Variants in MOBP observed in about 807,000 individuals in gnomAD.
MOBP encodes myelin associated oligodendrocyte basic protein.
MOBP carries 5 observed loss-of-function variants against 15.0 expected under a neutral mutation model. The ratio of observed to expected loss-of-function variants is 0.33; its 90% CI spans 0.17 to 0.70. The LOEUF (loss-of-function observed/expected upper bound fraction) is 0.70, where lower values mean the gene tolerates loss of function less well. Among genes scored for constraint, MOBP ranks in the 30% least tolerant of loss-of-function variants. The pLI is 0.67. For missense variants in MOBP, 188 were observed against 257.8 expected, an observed-to-expected ratio of 0.73 and a Z score of 1.85; for synonymous variants, 88 against 99.0, an observed-to-expected ratio of 0.89 and a Z score of 0.66.
At chr3:39,496,794 G>T (rs945508304) in intron 2 of MOBP, among the ~76,000 whole-genome samples, 1 of 152,124 alleles carries the variant, frequency 6.6e-6, no homozygotes, top group South Asian at 2.1e-4. Context: ...CTCTCAAGTA[G>T]TTGGGATTAC....
chr3:39,494,201 T>C (rs1323431063), intron 2 of MOBP, among the ~76,000 whole-genome samples: 1 of 152,244 alleles, frequency 6.6e-6, no homozygotes, highest in Non-Finnish European at 1.5e-5. Flanking sequence ...GGGATTTCAC[T>C]TAAATTCTTC....
At chr3:39,479,119 C>T (rs906465520) in intron 1 of MOBP, among the ~76,000 whole-genome samples, 7 of 152,216 alleles carry the variant, frequency 4.6e-5, no homozygotes, top group African/African-American at 7.2e-5. Context: ...TGAGCCACCG[C>T]GCACGGCCCT....
rs575029241 is a variant in MOBP, at chr3:39,478,778, T to C, written c.-88-1262T>C. On this transcript the variant is annotated intron_variant, in intron 1 of 3. Coordinates refer to ENST00000684792, the MANE Select transcript of MOBP (RefSeq NM_001393704.1). ...CAGCTTTATTGTTTCAGCAGGAGTT[T>C]AAATTCAATACTTGCTTCTATATCA... Among the ~76,000 whole-genome samples the C allele has an allele frequency of 1.2e-4, 18 of 152,300 alleles. No homozygotes were observed. In the South Asian group the frequency reaches 3.7e-3, roughly 32 times the overall value.
intron 2 of MOBP, among the ~76,000 whole-genome samples, chr3:39,490,187 T>C (rs539537304): frequency 6.6e-5 from 10 of 152,204 alleles, no homozygotes; most frequent in Non-Finnish European, 1.3e-4. Context: ...CTGGGGTATA[T>C]GCAGAAATTA....
At chr3:39,495,878 G>A (rs2042873253) in intron 2 of MOBP, among the ~76,000 whole-genome samples, 1 of 150,416 alleles carries the variant, frequency 6.6e-6, no homozygotes, top group African/African-American at 2.4e-5. Context: ...AAAAAATGAA[G>A]TAGATAGCTT....
At chr3:39,508,731 G>T (rs2125664101) in intron 4 of MOBP, among the ~76,000 whole-genome samples, 1 of 152,020 alleles carries the variant, frequency 6.6e-6, no homozygotes, top group Admixed American at 6.6e-5. Flanking sequence ...TGTATTTTTA[G>T]TAGAGAGGGC....
downstream of MOBP, among the ~76,000 whole-genome samples, chr3:39,505,535 T>C (rs1383680501): frequency 2.6e-5 from 4 of 152,212 alleles, no homozygotes; most frequent in Non-Finnish European, 5.9e-5. Context: ...TACTCTTTCC[T>C]ATCTGGGAGC....
At chr3:39,518,459 A>G (rs139528510), downstream of MOBP, among the ~76,000 whole-genome samples, 1,091 of 152,276 alleles carry the variant, frequency 7.2e-3, 13 homozygotes, top group African/African-American at 0.025. Flanking sequence ...TGATGAGTTA[A>G]TGATGCGTAT....
At chr3:39,504,878 C>T (rs377490550), downstream of MOBP, among the ~76,000 whole-genome samples, 4 of 152,338 alleles carry the variant, frequency 2.6e-5, no homozygotes, top group East Asian at 7.7e-4. Flanking sequence ...AACTTGCTTT[C>T]TGAAACAGTG....
At chr3:39,490,787 G>T (rs898180521) in intron 2 of MOBP, among the ~76,000 whole-genome samples, 6 of 152,164 alleles carry the variant, frequency 3.9e-5, no homozygotes, top group Admixed American at 2.6e-4. Context: ...GGTCTCGAAC[G>T]CTTGACCTTG....
At chr3:39,489,766 T>G (rs921323893) in intron 2 of MOBP, among the ~76,000 whole-genome samples, 47 of 152,076 alleles carry the variant, frequency 3.1e-4, no homozygotes, top group African/African-American at 1.1e-3. Context: ...GAGCTATAAG[T>G]TCCTTCGAGC....
chr3:39,490,368 A>G (rs1261003093), intron 2 of MOBP, among the ~76,000 whole-genome samples: 1 of 152,208 alleles, frequency 6.6e-6, no homozygotes, highest in Non-Finnish European at 1.5e-5. Context: ...TGATATTCAG[A>G]GAGTAAATAT....
chr3:39,475,289 T>TA (rs1264198445), intron 1 of MOBP, among the ~76,000 whole-genome samples: 2 of 152,198 alleles, frequency 1.3e-5, no homozygotes, highest in Non-Finnish European at 2.9e-5. Flanking sequence ...TCTGTCTTAT[T>TA]ACTGGTGATG....
chr3:39,513,467 T>G (rs1432798849), exon 5 of MOBP: 1 of 1,584,090 alleles, frequency 6.3e-7, no homozygotes, highest in Non-Finnish European at 8.7e-7. Flanking sequence ...GCTCCTGGAC[T>G]CATTGCTTCA....
chr3:39,502,438 G>T lies in MOBP; in HGVS notation c.207-97G>T. 1 of 1,524,200 alleles carries T rather than the reference G, an allele frequency of 6.6e-7. No individual in the cohort carries two copies. The highest frequency in any genetic ancestry group is 8.8e-7 in the Non-Finnish European group (1 of 1,140,882). The allele number at this position is 1,524,200 out of a possible 1,614,324, so 94.4% of individuals were successfully genotyped here. On this transcript the variant is annotated intron_variant, in intron 3 of 3. Coordinates refer to ENST00000684792, the MANE Select transcript of MOBP (RefSeq NM_001393704.1). This position sits in a 1 kb window ranked among gnomAD's most constrained non-coding sequence, Gnocchi z 6.3. ...GGGAGACTGGAAGGTGGGTGGGGGA[G>T]CAGGGCCTTCCTACCTGTTTCCAGC... is the stretch of plus-strand genomic sequence containing the variant.
chr3:39,478,821 T>C (rs2042580256), intron 1 of MOBP, among the ~76,000 whole-genome samples: 1 of 151,244 alleles, frequency 6.6e-6, no homozygotes, highest in South Asian at 2.1e-4. Context: ...TCATTTGTCT[T>C]TTTTTTTCTT....
chr3:39,477,993 G>A (rs2042566784), intron 1 of MOBP, among the ~76,000 whole-genome samples: 1 of 151,968 alleles, frequency 6.6e-6, no homozygotes, highest in African/African-American at 2.4e-5. Context: ...AGTTTATAAA[G>A]TAAAATGTTA....
At chr3:39,477,808 T>A (rs1263172873) in intron 1 of MOBP, among the ~76,000 whole-genome samples, 1 of 151,794 alleles carries the variant, frequency 6.6e-6, no homozygotes, top group African/African-American at 2.4e-5. Context: ...AGCTAATGTG[T>A]CTGTTTGCAT....
At chr3:39,484,408 G>A (rs2042671433) in intron 2 of MOBP, among the ~76,000 whole-genome samples, 1 of 152,118 alleles carries the variant, frequency 6.6e-6, no homozygotes, top group African/African-American at 2.4e-5. Flanking sequence ...TTTTGAGTAG[G>A]GACAGGTATA....
Sources: allele counts gnomAD v4.1 joint callset (sites outside exome capture counted in the v4.1 genomes callset), GRCh38; gene constraint gnomAD v4.1.1; non-coding constraint Gnocchi (gnomAD v3.1); transcripts MANE v1.5; gene names NCBI Gene and HGNC (gene_info 2026-07-23, HGNC 2026-07-21).